ABCC1: variants seen among roughly 807,000 people sequenced by gnomAD.
The protein encoded by ABCC1 is ATP binding cassette subfamily C member 1 (ABCC1 blood group).
In ABCC1, 83 loss-of-function variants were observed where a neutral mutation model predicts 172.9. The observed-to-expected ratio is 0.48, with a 90% CI of 0.40 to 0.58. ABCC1 has a LOEUF of 0.58. Among genes scored for constraint, ABCC1 ranks in the 20% least tolerant of loss-of-function variants. ABCC1 has a pLI of 0.00. For missense variants in ABCC1, 1,817 were observed against 2,002.7 expected, an observed-to-expected ratio of 0.91 and a Z score of 1.77; for synonymous variants, 937 against 825.2, an observed-to-expected ratio of 1.14 and a Z score of -2.32.
intron 4 of ABCC1, among the ~76,000 whole-genome samples, chr16:16,015,796 C>T (rs1048254977): frequency 1.3e-5 from 2 of 152,144 alleles, no homozygotes; most frequent in African/African-American, 4.8e-5. Flanking sequence ...ATAACACTCC[C>T]AAGTTACCAC....
intron 9 of ABCC1, among the ~76,000 whole-genome samples, chr16:16,047,870 A>G (rs1370151700): frequency 2.1e-5 from 3 of 140,338 alleles, no homozygotes; most frequent in East Asian, 2.3e-4. Flanking sequence ...ATGTGTGCAC[A>G]TTAAAGCATG....
At chr16:15,971,951 TG>T (rs1389983450) in intron 1 of ABCC1, among the ~76,000 whole-genome samples, 1 of 151,592 alleles carries the variant, frequency 6.6e-6, no homozygotes, top group East Asian at 1.9e-4. Context: ...AGACAGAGGG[TG>T]GGGGGCTCCA....
intron 1 of ABCC1, among the ~76,000 whole-genome samples, chr16:15,969,005 C>G (rs901314893): frequency 6.6e-6 from 1 of 151,690 alleles, no homozygotes; most frequent in Non-Finnish European, 1.5e-5. Flanking sequence ...GTCAGTAGTT[C>G]AAGGCCAGGC....
intron 1 of ABCC1, among the ~76,000 whole-genome samples, chr16:15,979,797 CTGCT>C (rs2046579213): frequency 6.6e-6 from 1 of 152,058 alleles, no homozygotes; most frequent in African/African-American, 2.4e-5. Context: ...TTTTATCACC[CTGCT>C]TACTTGTTTT....
At chr16:16,075,595 C>T (rs1054094045) in intron 14 of ABCC1, among the ~76,000 whole-genome samples, 12 of 152,156 alleles carry the variant, frequency 7.9e-5, no homozygotes, top group Admixed American at 2.6e-4. Flanking sequence ...CGCACCACTG[C>T]GCTCCAGCCT....
chr16:16,103,750 C>T lies in ABCC1; in HGVS notation c.2735+1033C>T, dbSNP rs542761011. On this transcript the variant is annotated intron_variant, in intron 20 of 30. Transcript: ENST00000399410. The stretch of plus-strand genomic sequence containing the variant: ...AGAGCAAAGACCATGCGGCATAGCA[C>T]GGTGCCTGGAACAGACAAACACTTC... Among the ~76,000 whole-genome samples, 15 of 152,274 alleles carry T rather than the reference C, an allele frequency of 9.9e-5. No homozygotes were observed. In the East Asian group the frequency reaches 1.4e-3, roughly 14 times the overall value.
chr16:16,060,807 C>T (rs2049876582), intron 12 of ABCC1, among the ~76,000 whole-genome samples: 1 of 151,894 alleles, frequency 6.6e-6, no homozygotes, highest in Non-Finnish European at 1.5e-5. Context: ...CAAGCGTGAG[C>T]CACCGCGCCT....
In ABCC1 at chr16:16,125,928, G is replaced by A; in HGVS notation, c.3819+17G>A. 6.3e-7 allele frequency: 1 copy of A among 1,597,970 alleles called. No individual in the cohort carries two copies. Among genetic ancestry groups the A allele is most frequent in the Non-Finnish European group, 8.6e-7 (1 of 1,166,002 alleles). On this transcript the variant is annotated intron_variant, in intron 26 of 30. Transcript: ENST00000399410. ...GAGAAGGAGGTAGGCAAGGGCCCCT[G>A]GCTGGACCTCTTGGTCTTTGGTGTA...
At chr16:16,030,892 C>G (rs111711148) in intron 5 of ABCC1, among the ~76,000 whole-genome samples, 2 of 152,010 alleles carry the variant, frequency 1.3e-5, no homozygotes, top group Admixed American at 6.6e-5. Context: ...GACAGGGTCC[C>G]TAGGCTGGAG....
chr16:15,953,711 G>A (rs1392824398), intron 1 of ABCC1, among the ~76,000 whole-genome samples: 1 of 152,196 alleles, frequency 6.6e-6, no homozygotes, highest in Non-Finnish European at 1.5e-5. Flanking sequence ...CGTCGATGGA[G>A]TGAGCTGGTC....
chr16:16,014,134 T>C (rs2047899856), intron 3 of ABCC1, among the ~76,000 whole-genome samples: 2 of 152,130 alleles, frequency 1.3e-5, no homozygotes, highest in South Asian at 4.1e-4. Flanking sequence ...GTCCAAAATA[T>C]TTATTACGTG....
intron 21 of ABCC1, among the ~76,000 whole-genome samples, chr16:16,110,371 C>G (rs1348896305): frequency 6.6e-6 from 1 of 151,652 alleles, no homozygotes; most frequent in Non-Finnish European, 1.5e-5. Context: ...GGTGTGTGAG[C>G]CACGATGCCC....
rs371450704 is a variant in ABCC1 at position 16,134,436 on chromosome 16, C to T, written c.4053C>T (p.Ile1351=). ...TCAACGAGTCTGCCGAAGGAGAGAT[C>T]ATCATCGATGGCATCAACATCGCCA... is the stretch of plus-strand genomic sequence containing the variant. ...FRINESAEGE[I]IIDGINIAKI... The change falls in exon 28 of 31, where the codon ATC becomes ATT. Residue 1351 remains isoleucine (I), a synonymous_variant. Transcript: ENST00000399410. The T allele has an allele frequency of 1.9e-6, 3 of 1,614,164 alleles. No homozygotes were observed. The African/African-American group carries it at 4.0e-5, about 22-fold the overall frequency.
chr16:16,069,968 G>T (rs561585361), intron 13 of ABCC1, among the ~76,000 whole-genome samples: 2 of 152,326 alleles, frequency 1.3e-5, no homozygotes, highest in East Asian at 3.9e-4. Flanking sequence ...AGGTTGCCGA[G>T]GTTGCAGTGA....
intron 19 of ABCC1, chr16:16,098,900 C>T (rs758016446): frequency 9.6e-6 from 13 of 1,351,986 alleles, no homozygotes; most frequent in Admixed American, 1.9e-5. Flanking sequence ...GAGGAGGAAG[C>T]AGGTCAGTAC....
chr16:16,040,654 G>A (rs946788413), intron 7 of ABCC1, among the ~76,000 whole-genome samples: 2 of 151,864 alleles, frequency 1.3e-5, no homozygotes, highest in Non-Finnish European at 2.9e-5. Flanking sequence ...ACAATGTGCA[G>A]GTTAGTTACA....
chr16:16,064,103 G>T (rs2050023006), intron 12 of ABCC1, among the ~76,000 whole-genome samples: 1 of 152,322 alleles, frequency 6.6e-6, no homozygotes, highest in East Asian at 1.9e-4. Flanking sequence ...GGAAGAGCAG[G>T]TAACTGCACA....
At chr16:15,968,431 A>T (rs2046295398) in intron 1 of ABCC1, among the ~76,000 whole-genome samples, 1 of 151,790 alleles carries the variant, frequency 6.6e-6, no homozygotes, top group South Asian at 2.1e-4. Context: ...TTTTTGAGAC[A>T]GAGTCTTGCT....
intron 1 of ABCC1, among the ~76,000 whole-genome samples, chr16:15,981,627 C>T (rs530472512): frequency 6.6e-5 from 10 of 152,244 alleles, no homozygotes; most frequent in East Asian, 3.9e-4. Context: ...GCCCTGGGCC[C>T]GGCCTATGGA....
Sources: gnomAD v4.1 joint callset for allele counts (sites outside exome capture counted in the v4.1 genomes callset) on GRCh38, gnomAD v4.1.1 for gene constraint, MANE v1.5 for transcripts, NCBI Gene and HGNC (gene_info 2026-07-23, HGNC 2026-07-21) for gene names.